The following TUBGCP4 variants were observed in gnomAD, a reference collection of about 807,000 sequenced individuals.
TUBGCP4 encodes gamma-tubulin complex component 4.
TUBGCP4 carries 54 observed loss-of-function variants against 91.6 expected under a neutral mutation model. The ratio of observed to expected loss-of-function variants is 0.59; its 90% CI spans 0.47 to 0.74. The LOEUF is 0.74. Among genes scored for constraint, TUBGCP4 ranks in the 30% least tolerant of loss-of-function variants. The pLI is 0.00. For synonymous variants in TUBGCP4, 297 were observed against 302.8 expected (o/e 0.98, Z 0.20); for missense variants, 593 against 800.9 (o/e 0.74, Z 3.13).
At position 43,403,711 on chromosome 15, in the gene TUBGCP4, A is replaced by C. The variant is rs1263645431; in HGVS notation, c.1760A>C (p.Asp587Ala). Residue 587 changes from aspartate (D) to alanine (A), a missense_variant, in exon 16 of 18, where the codon GAT (aspartate) becomes GCT (alanine). Transcript: ENST00000564079. ...TTTCACTGCCTGAATGAAATCCTAG[A>C]TCTCTGTCACAGTTTTTGTTCGCTG... ...PVFHCLNEIL[D>A]LCHSFCSLVS... 5 of 1,612,962 alleles carry C rather than the reference A, an allele frequency of 3.1e-6. No homozygotes were observed. Among genetic ancestry groups the C allele is most frequent in the Non-Finnish European group, 4.2e-6 (5 of 1,179,924 alleles).
chr15:43,406,847 C>G lies in TUBGCP4; in HGVS notation c.*1633C>G. On this transcript the variant is annotated 3_prime_UTR_variant, in exon 18 of 18. Transcript: ENST00000564079. ...TCATGGCAGTTGGTCCTTTCGTTCT[C>G]CCTTTAGCTCTAAGAGTTGGGGAGT... 1 of 318,310 alleles carries G rather than the reference C, an allele frequency of 3.1e-6. No homozygotes were observed. The highest frequency in any genetic ancestry group is 6.1e-6 in the Non-Finnish European group (1 of 162,880). The allele number at this position is 318,310 out of a possible 1,614,324, so 19.7% of individuals were successfully genotyped here.
At chr15:43,383,202 T>G (rs2044309362) in intron 6 of TUBGCP4, 101 bp from the exon 7 acceptor site, 1 of 908,428 alleles carries the variant, frequency 1.1e-6, no homozygotes, top group Non-Finnish European at 1.6e-6. Flanking sequence ...TTTAACTTAA[T>G]TGGTTATTTC....
intron 11 of TUBGCP4, 139 bp downstream of exon 11, chr15:43,395,827 G>C: frequency 1.5e-6 from 1 of 685,014 alleles, no homozygotes; most frequent in Non-Finnish European, 2.6e-6. Context: ...GAGATGGAAG[G>C]CTCTTGCAGG....
rs1203400658 is a variant in TUBGCP4 at position 43,407,188 on chromosome 15, C to CA, written c.*1981dup. The CA allele has an allele frequency of 1.6e-5, 9 of 570,948 alleles. No homozygotes were observed. Among genetic ancestry groups the CA allele is most frequent in the South Asian group, 6.9e-5 (3 of 43,464 alleles). The allele number at this position is 570,948 out of a possible 1,614,324, so 35.4% of individuals were successfully genotyped here. A position where few individuals can be genotyped will look rare whatever the true frequency, so the allele number is the denominator to read the frequency against. On this transcript the variant is annotated 3_prime_UTR_variant, in exon 18 of 18. Transcript: ENST00000564079. ...TTGTCATTTGTTCTGAGATTAAGCT[C>CA]AAAAAAACAGATGAAGAAATCCCAG...
Position 43,407,182 on chromosome 15 carries a change from T to G in TUBGCP4, c.*1968T>G. The G allele has an allele frequency of 1.8e-6, 1 of 561,766 alleles. No individual in the cohort carries two copies. 34.8% of individuals were successfully genotyped at this position (561,766 alleles called of 1,614,324 possible). On this transcript the variant is annotated 3_prime_UTR_variant, in exon 18 of 18. Transcript: ENST00000564079. The stretch of plus-strand genomic sequence containing the variant: ...TATGTCTTGTCATTTGTTCTGAGAT[T>G]AAGCTCAAAAAAACAGATGAAGAAA...
Position 43,409,441 on chromosome 15 carries a change from C to T in TUBGCP4, c.*4227C>T. 1 of 536,500 alleles carries T rather than the reference C, an allele frequency of 1.9e-6. No homozygotes were observed. The allele number at this position is 536,500 out of a possible 1,614,324, so 33.2% of individuals were successfully genotyped here. On this transcript the variant is annotated 3_prime_UTR_variant, in exon 18 of 18. Coordinates refer to ENST00000564079, the MANE Select transcript of TUBGCP4 (RefSeq NM_014444.5). The stretch of plus-strand genomic sequence containing the variant: ...TTTTGTCCCAGCAACAGAACCATAG[C>T]CATTAACTAACCCAAGGTCCTACCT...
Position 43,406,712 on chromosome 15 carries a change from T to C in TUBGCP4, c.*1498T>C, listed in dbSNP as rs977803217. The C allele has an allele frequency of 2.3e-6, 1 of 427,858 alleles. No homozygotes were observed. The highest frequency in any genetic ancestry group is 2.1e-5 in the African/African-American group (1 of 48,318). The allele number at this position is 427,858 out of a possible 1,614,324, so 26.5% of individuals were successfully genotyped here. A position where few individuals can be genotyped will look rare whatever the true frequency, so the allele number is the denominator to read the frequency against. On this transcript the variant is annotated 3_prime_UTR_variant, in exon 18 of 18. Coordinates refer to ENST00000564079, the MANE Select transcript of TUBGCP4 (RefSeq NM_014444.5). ...GCTATTGTGACAATAATAATAATAA[T>C]AATATTGGGTCTTTGACTAGAACGT...
In TUBGCP4 at chr15:43,407,849, C is replaced by T. The variant is rs964108830; in HGVS notation, c.*2635C>T. 1.3e-5 allele frequency: 17 copies of T among 1,280,256 alleles called. No homozygotes were observed. In the East Asian group the frequency reaches 3.3e-4, roughly 25 times the overall value. The allele number at this position is 1,280,256 out of a possible 1,614,324, so 79.3% of individuals were successfully genotyped here. On this transcript the variant is annotated 3_prime_UTR_variant, in exon 18 of 18. Transcript: ENST00000564079. ...CTCTAAGAAACATGGATACGGTCAA[C>T]CTATTAGGCCTGAGCCTTGGACCAC...
In TUBGCP4 at chr15:43,371,331, A is replaced by G. The variant is rs181309278; in HGVS notation, c.-24A>G. 213 of 1,611,324 alleles carry G rather than the reference A, an allele frequency of 1.3e-4. No homozygotes were observed. The Middle Eastern group carries it at 1.8e-3, about 14-fold the overall frequency. ...CGCTGGAGGAGGGGGTGACATAACC[A>G]GGGACTCGAGGTCCGCCGTGGGAAT... is the stretch of plus-strand genomic sequence containing the variant. On this transcript the variant is annotated 5_prime_UTR_variant, in exon 1 of 18. Transcript: ENST00000564079.
intron 6 of TUBGCP4, 94 bp downstream of exon 6, chr15:43,380,257 C>A: frequency 8.6e-7 from 1 of 1,168,946 alleles, no homozygotes; most frequent in Non-Finnish European, 1.3e-6. Flanking sequence ...TTTCAGGTTT[C>A]CCTCTTGGGA....
intron 4 of TUBGCP4, chr15:43,377,626 A>AG (rs2044226973): frequency 2.1e-6 from 1 of 478,232 alleles, no homozygotes; most frequent in Non-Finnish European, 3.6e-6. Context: ...AAAAAAAAAA[A>AG]AAGAAAAAAG....
chr15:43,408,254 G>C lies in TUBGCP4; in HGVS notation c.*3040G>C. The C allele has an allele frequency of 1.5e-6, 1 of 680,806 alleles. No homozygotes were observed. The allele number at this position is 680,806 out of a possible 1,614,324, so 42.2% of individuals were successfully genotyped here. On this transcript the variant is annotated 3_prime_UTR_variant, in exon 18 of 18. Coordinates refer to ENST00000564079, the MANE Select transcript of TUBGCP4 (RefSeq NM_014444.5). ...GCACTTTGGGAGGCTGTCGTGGTTG[G>C]ATCTCTTGGGCCTGGGAGTTCGAGA... is the stretch of plus-strand genomic sequence containing the variant.
chr15:43,406,803 G>C lies in TUBGCP4; in HGVS notation c.*1589G>C. The stretch of plus-strand genomic sequence containing the variant: ...ATCTTACGGAAGGTCATTCCATCAA[G>C]CTTATGGTCACTGTCCCTTCATGGC... On this transcript the variant is annotated 3_prime_UTR_variant, in exon 18 of 18. Transcript: ENST00000564079. The C allele has an allele frequency of 2.9e-6, 1 of 349,326 alleles. No homozygotes were observed. The highest frequency in any genetic ancestry group is 5.6e-6 in the Non-Finnish European group (1 of 179,074). 21.6% of individuals were successfully genotyped at this position (349,326 alleles called of 1,614,324 possible).
chr15:43,408,114 T>C lies in TUBGCP4; in HGVS notation c.*2900T>C. On this transcript the variant is annotated 3_prime_UTR_variant, in exon 18 of 18. Transcript: ENST00000564079. ...CTATGAAGGAGACAGGAAAGGACCT[T>C]AGCATGACAAGTAATATCCAACAAA... 6.2e-7 allele frequency: 1 copy of C among 1,608,182 alleles called. No homozygotes were observed. Among genetic ancestry groups the C allele is most frequent in the Non-Finnish European group, 8.5e-7 (1 of 1,177,172 alleles).
chr15:43,405,313 C>T lies in TUBGCP4; in HGVS notation c.*99C>T, dbSNP rs886350738. The T allele has an allele frequency of 4.5e-5, 63 of 1,389,168 alleles. No homozygotes were observed. Among genetic ancestry groups the T allele is most frequent in the African/African-American group, 1.0e-4 (7 of 70,050 alleles). The allele number at this position is 1,389,168 out of a possible 1,614,324, so 86.1% of individuals were successfully genotyped here. A position where few individuals can be genotyped will look rare whatever the true frequency, so the allele number is the denominator to read the frequency against. ...CTAGCCACACACAAATAAATATCTG[C>T]GGCTTAGTGATAGGACTCTACCTTT... On this transcript the variant is annotated 3_prime_UTR_variant, in exon 18 of 18. Transcript: ENST00000564079.
At position 43,407,613 on chromosome 15, in the gene TUBGCP4, C is replaced by T; in HGVS notation, c.*2399C>T. 1 of 1,555,960 alleles carries T rather than the reference C, an allele frequency of 6.4e-7. No homozygotes were observed. Among genetic ancestry groups the T allele is most frequent in the Non-Finnish European group, 8.8e-7 (1 of 1,140,694 alleles). On this transcript the variant is annotated 3_prime_UTR_variant, in exon 18 of 18. Transcript: ENST00000564079. ...AAGTGAAGAAGGAAAGGACACTCAA[C>T]TTAGCCCTCCATTAGAAAGAGAGAT... is the stretch of plus-strand genomic sequence containing the variant.
At chr15:43,373,645 C>G (rs1033566969) in intron 1 of TUBGCP4, among the ~76,000 whole-genome samples, 2 of 129,654 alleles carry the variant, frequency 1.5e-5, no homozygotes, top group Admixed American at 7.8e-5. Context: ...AGACCAGGTT[C>G]TTTTTTTTTT....
intron 9 of TUBGCP4, chr15:43,391,774 G>C (rs1277771034): frequency 2.6e-5 from 4 of 152,088 alleles, no homozygotes; most frequent in Admixed American, 6.5e-5. Context: ...TTTGGGGTCA[G>C]GCACAGTGGC....
At chr15:43,379,809 C>T (rs774692120) in intron 5 of TUBGCP4, among the ~76,000 whole-genome samples, 6 of 152,156 alleles carry the variant, frequency 3.9e-5, no homozygotes, top group Admixed American at 6.5e-5. Context: ...TGCAGTGGTT[C>T]TCACACTTTA....
Sources: allele counts gnomAD v4.1 joint callset (sites outside exome capture counted in the v4.1 genomes callset), GRCh38; gene constraint gnomAD v4.1.1; transcripts MANE v1.5; gene names NCBI Gene and HGNC (gene_info 2026-07-23, HGNC 2026-07-21).